TMEM212: variants seen among roughly 807,000 people sequenced by gnomAD.
TMEM212 encodes transmembrane protein 212.
TMEM212 carries 23 observed loss-of-function variants against 20.5 expected under a neutral mutation model. That is an observed-to-expected ratio of 1.12 (90% CI 0.81 to 1.59). TMEM212 has a LOEUF of 1.59. Ranked by LOEUF, TMEM212 falls within the 40% of genes most tolerant of loss-of-function variation. The probability of loss-of-function intolerance (pLI) is 0.00; values close to 1 mark genes in which losing one functional copy is unlikely to be tolerated. For synonymous variants in TMEM212, 76 were observed against 81.6 expected, an observed-to-expected ratio of 0.93 and a Z score of 0.37; for missense variants, 211 against 215.0, an observed-to-expected ratio of 0.98 and a Z score of 0.12.
At chr3:171,852,732 T>A (rs541262220) in intron 2 of TMEM212, among the ~76,000 whole-genome samples, 27 of 152,360 alleles carry the variant, frequency 1.8e-4, no homozygotes, top group African/African-American at 6.5e-4. Context: ...ATGAAAAGTC[T>A]ATGCTATCTT....
intron 3 of TMEM212, 70 bp from the exon 4 acceptor site, chr3:171,856,593 C>A (rs1725122897): frequency 1.7e-6 from 1 of 594,116 alleles, no homozygotes; most frequent in Non-Finnish European, 3.0e-6. Context: ...TACATGGGTG[C>A]CCCTCCCACA....
chr3:171,855,714 G>A (rs949531716), intron 3 of TMEM212, among the ~76,000 whole-genome samples: 5 of 152,064 alleles, frequency 3.3e-5, no homozygotes, highest in African/African-American at 4.8e-5. Context: ...CTCAGATGTC[G>A]TTTAATTCCC....
At chr3:171,846,349 C>T (rs148099377) in intron 1 of TMEM212, among the ~76,000 whole-genome samples, 1 of 152,180 alleles carries the variant, frequency 6.6e-6, no homozygotes, top group African/African-American at 2.4e-5. Context: ...ATCTCTGATA[C>T]CCTGCTCTAT....
intron 1 of TMEM212, among the ~76,000 whole-genome samples, chr3:171,845,301 A>G (rs568848536): frequency 8.1e-4 from 123 of 152,318 alleles, no homozygotes; most frequent in African/African-American, 2.8e-3. Flanking sequence ...TATTATGTAT[A>G]TACATGTATA....
chr3:171,856,226 C>T (rs1030269354), intron 3 of TMEM212, among the ~76,000 whole-genome samples: 2 of 152,138 alleles, frequency 1.3e-5, no homozygotes, highest in African/African-American at 4.8e-5. Context: ...ACTTTAAGGA[C>T]AAAATTCTTA....
intron 1 of TMEM212, among the ~76,000 whole-genome samples, chr3:171,844,526 C>T (rs147848452): frequency 1.4e-3 from 211 of 152,108 alleles, no homozygotes; most frequent in African/African-American, 4.6e-3. Context: ...ACCAACATGG[C>T]GAAACCCCGT....
intron 3 of TMEM212, 137 bp downstream of exon 3, chr3:171,853,987 A>C: frequency 1.5e-6 from 1 of 665,486 alleles, no homozygotes; most frequent in Non-Finnish European, 2.5e-6. Flanking sequence ...GGTCTGGCAC[A>C]TAATAGGTAC....
rs1725166250 is a variant in TMEM212, at chr3:171,858,386, T to C, written c.*329T>C. 6.6e-6 allele frequency: 1 copy of C among 152,154 alleles called. No homozygotes were observed. The highest frequency in any genetic ancestry group is 1.5e-5 in the Non-Finnish European group (1 of 68,052). The allele number at this position is 152,154 out of a possible 1,614,324, so 9.4% of individuals were successfully genotyped here. On this transcript the variant is annotated 3_prime_UTR_variant, in exon 5 of 5. Coordinates refer to ENST00000334567, the MANE Select transcript of TMEM212 (RefSeq NM_001164436.2). Reference sequence around the variant, plus strand: ...TTAGCCATATGTAGAAAGCTGAAACTGGATCCCTTCCTTACACCTTATATA... The same window carrying C: ...TTAGCCATATGTAGAAAGCTGAAACCGGATCCCTTCCTTACACCTTATATA...
chr3:171,847,715 G>A (rs571620958), intron 1 of TMEM212, among the ~76,000 whole-genome samples: 131 of 152,156 alleles, frequency 8.6e-4, no homozygotes, highest in Middle Eastern at 3.4e-3. Context: ...GGGGCAAGGG[G>A]GATTCTGGCT....
At position 171,843,485 on chromosome 3, in the gene TMEM212, G is replaced by T; in HGVS notation, c.102G>T (p.Lys34Asn). 1 of 1,537,044 alleles carries T rather than the reference G, an allele frequency of 6.5e-7. No homozygotes were observed. Residue 34 changes from lysine to asparagine, a missense_variant, in exon 1 of 5, where the codon AAG becomes AAT. By Grantham distance (94) the Lys-to-Asn change is moderately conservative. Coordinates refer to ENST00000334567, the MANE Select transcript of TMEM212 (RefSeq NM_001164436.2). ...VIAFFPVFSY[K>N]PWFTGWSVRI... ...CTTTCTTTCCTGTCTTTTCTTACAA[G>T]CCTTGGTTCACAGGATGGAGTGTTC...
At chr3:171,847,434 GC>G (rs1256947415) in intron 1 of TMEM212, among the ~76,000 whole-genome samples, 1 of 152,222 alleles carries the variant, frequency 6.6e-6, no homozygotes, top group East Asian at 1.9e-4. Context: ...TAGAGAAGGG[GC>G]TTGATTACAT....
Position 171,853,789 on chromosome 3 carries a change from G to A in TMEM212, c.482G>A (p.Cys161Tyr), listed in dbSNP as rs1394684546. 6.5e-7 allele frequency: 1 copy of A among 1,536,930 alleles called. No homozygotes were observed. Among genetic ancestry groups the A allele is most frequent in the Non-Finnish European group, 8.7e-7 (1 of 1,146,806 alleles). Residue 161 changes from cysteine (C) to tyrosine (Y), a missense_variant, in exon 3 of 5, where the codon TGT (cysteine) becomes TAT (tyrosine). Physicochemically the swap from Cys to Tyr is radical, Grantham distance 194. Coordinates refer to ENST00000334567, the MANE Select transcript of TMEM212 (RefSeq NM_001164436.2). ...LDLCLSFTLL[C>Y]TSLTVFIKLS... ...CTGTGCCTAAGCTTTACCCTACTCTGTACATCCTTGACAGTGTTCATCAAA... is the reference window on the plus strand; with the variant it reads ...CTGTGCCTAAGCTTTACCCTACTCTATACATCCTTGACAGTGTTCATCAAA...
In TMEM212 at chr3:171,853,644, G is replaced by T; in HGVS notation, c.337G>T (p.Ala113Ser). Residue 113 changes from alanine (A) to serine (S), a missense_variant, in exon 3 of 5, where the codon GCA (alanine) becomes TCA (serine). Coordinates refer to ENST00000334567, the MANE Select transcript of TMEM212 (RefSeq NM_001164436.2). ...PYCFYSFSGI[A>S]GTNYLGYAVT... ...TTGCTTCTATTCATTTTCAGGGATT[G>T]CAGGGACTAATTACCTTGGCTATGC... The T allele has an allele frequency of 6.5e-7, 1 of 1,537,432 alleles. No individual in the cohort carries two copies. The highest frequency in any genetic ancestry group is 8.7e-7 in the Non-Finnish European group (1 of 1,146,908).
chr3:171,852,620 G>A (rs562002171), intron 2 of TMEM212, among the ~76,000 whole-genome samples: 3 of 152,156 alleles, frequency 2.0e-5, no homozygotes, highest in African/African-American at 7.2e-5. Context: ...TGAAGAAATG[G>A]ATCTATAGGC....
In TMEM212 at chr3:171,858,784, A is replaced by C. The variant is rs1725179490; in HGVS notation, c.*727A>C. ...AAAGGACATGGACACTTCTCAAAAG[A>C]AGACATTTATGAAGCCAACAGACAC... On this transcript the variant is annotated 3_prime_UTR_variant, in exon 5 of 5. Transcript: ENST00000334567. 1 of 152,216 alleles carries C rather than the reference A, an allele frequency of 6.6e-6. No homozygotes were observed. Among genetic ancestry groups the C allele is most frequent in the Non-Finnish European group, 1.5e-5 (1 of 68,034 alleles). The allele number at this position is 152,216 out of a possible 1,614,324, so 9.4% of individuals were successfully genotyped here.
intron 1 of TMEM212, among the ~76,000 whole-genome samples, chr3:171,847,419 A>G (rs556855573): frequency 6.6e-6 from 1 of 152,334 alleles, no homozygotes; most frequent in South Asian, 2.1e-4. Flanking sequence ...CCCTTCCTCG[A>G]CGGTTAGAGA....
chr3:171,851,955 G>A (rs1271889400), intron 1 of TMEM212, 27 bp from the exon 2 acceptor site: 1 of 1,534,904 alleles, frequency 6.5e-7, no homozygotes, highest in Admixed American at 2.0e-5. Flanking sequence ...TGTGGTGGAT[G>A]TTTATTTTTC....
rs1427508242 is a variant in TMEM212, at chr3:171,851,992, C to T, written c.170C>T (p.Thr57Ile). Residue 57 changes from threonine (T) to isoleucine (I), a missense_variant, in exon 2 of 5, where the codon ACT (threonine) becomes ATT (isoleucine). By Grantham distance (89) the Thr-to-Ile change is moderately conservative. Transcript: ENST00000334567. ...ATTTTCTTGTCACAGGCCATCACAA[C>T]TGGTGTGCTTCTACTGTTGGCTTAC... is the stretch of plus-strand genomic sequence containing the variant. ...PIWNGALAITTGVLLLLAYRE... is the reference protein window; with the variant it reads ...PIWNGALAITIGVLLLLAYRE... 1 of 1,536,860 alleles carries T rather than the reference C, an allele frequency of 6.5e-7. No individual in the cohort carries two copies. The highest frequency in any genetic ancestry group is 1.4e-5 in the African/African-American group (1 of 73,006).
chr3:171,854,935 A>G (rs1377851120), intron 3 of TMEM212, among the ~76,000 whole-genome samples: 1 of 152,220 alleles, frequency 6.6e-6, no homozygotes, highest in Non-Finnish European at 1.5e-5. Context: ...TGAATAGTCT[A>G]TGTAAGTCAT....
Sources: allele counts gnomAD v4.1 joint callset (sites outside exome capture counted in the v4.1 genomes callset), GRCh38; gene constraint gnomAD v4.1.1; transcripts MANE v1.5; gene names NCBI Gene and HGNC (gene_info 2026-07-23, HGNC 2026-07-21).